KAZN: variants seen among roughly 807,000 people sequenced by gnomAD.
KAZN encodes the protein kazrin.
In KAZN, 40 loss-of-function variants were observed where a neutral mutation model predicts 87.4. The observed-to-expected ratio is 0.46, with a 90% confidence interval of 0.36 to 0.60. The LOEUF (loss-of-function observed/expected upper bound fraction) is 0.60, where lower values mean the gene tolerates loss of function less well. KAZN is among the 20% of genes least tolerant of loss of function. The pLI, the probability that KAZN is intolerant of heterozygous loss-of-function variation, is 0.00. For synonymous variants in KAZN, 466 were observed against 458.3 expected, an observed-to-expected ratio of 1.02 and a Z score of -0.22; for missense variants, 898 against 1,073.9, an observed-to-expected ratio of 0.84 and a Z score of 2.29.
At chr1:14,177,795 T>TGTGTGTGG (rs1491301219) in intron 1 of KAZN, among the ~76,000 whole-genome samples, 187 of 72,282 alleles carry the variant, frequency 2.6e-3, no homozygotes, top group African/African-American at 0.017. Flanking sequence ...TGTGTGTGTG[T>TGTGTGTGG]TTTTTTTTTT....
At chr1:14,409,692 C>T (rs1664148872) in intron 2 of KAZN, among the ~76,000 whole-genome samples, 1 of 152,120 alleles carries the variant, frequency 6.6e-6, no homozygotes, top group Non-Finnish European at 1.5e-5. Context: ...TGAAAATGAG[C>T]TTTCAATCTC....
At position 15,100,014 on chromosome 1, in the gene KAZN, C is replaced by T. The variant is rs559106710; in HGVS notation, c.1548-1529C>T. On this transcript the variant is annotated intron_variant, in intron 10 of 14. Transcript: ENST00000376030. Reference sequence around the variant, plus strand: ...AACAACTGAGCCATTAAGTATGACACGTCTGTGACAGCCAGGCAGCGTTAA... The same window carrying T: ...AACAACTGAGCCATTAAGTATGACATGTCTGTGACAGCCAGGCAGCGTTAA... 7.9e-5 allele frequency among the ~76,000 whole-genome samples: 12 copies of T among 152,190 alleles called. No homozygotes were observed. The South Asian group carries it at 2.3e-3, about 29-fold the overall frequency.
chr1:14,269,476 C>A (rs184848887), intron 2 of KAZN, among the ~76,000 whole-genome samples: 1 of 152,002 alleles, frequency 6.6e-6, no homozygotes, highest in Non-Finnish European at 1.5e-5. Flanking sequence ...AAATAAAAGG[C>A]GTCCACCAAC....
chr1:14,276,948 C>T (rs530499036), intron 2 of KAZN, among the ~76,000 whole-genome samples: 38 of 152,262 alleles, frequency 2.5e-4, no homozygotes, highest in African/African-American at 5.3e-4. Context: ...TTAGGACTTC[C>T]GCCTATACAT....
chr1:14,034,605 A>G (rs1448816514), intron 1 of KAZN, among the ~76,000 whole-genome samples: 2 of 152,236 alleles, frequency 1.3e-5, no homozygotes, highest in African/African-American at 4.8e-5. Context: ...TCTAGTGGCC[A>G]TTAATGTTCC....
At chr1:14,999,499 C>G (rs1044997408) in intron 2 of KAZN, among the ~76,000 whole-genome samples, 2 of 138,100 alleles carry the variant, frequency 1.4e-5, no homozygotes, top group Admixed American at 6.9e-5. Context: ...TGCCTGCCCC[C>G]CTCCCCCCGC....
At chr1:13,920,882 T>C (rs1640040144) in intron 1 of KAZN, among the ~76,000 whole-genome samples, 1 of 152,154 alleles carries the variant, frequency 6.6e-6, no homozygotes, top group South Asian at 2.1e-4. Context: ...TGGTTTTCAA[T>C]CAAGGGGAAC....
chr1:13,945,710 T>TGTGTGTGTGTGTGTGAGAGA (rs757118365), intron 1 of KAZN, among the ~76,000 whole-genome samples: 2 of 137,270 alleles, frequency 1.5e-5, no homozygotes, highest in South Asian at 2.3e-4. Context: ...TGTGTGTGTG[T>TGTGTGTGTGTGTGTGAGAGA]GAGAGAGAGA....
chr1:14,720,854 C>T (rs1018112175), intron 1 of KAZN, among the ~76,000 whole-genome samples: 11 of 152,128 alleles, frequency 7.2e-5, no homozygotes, highest in African/African-American at 2.7e-4. Flanking sequence ...GTACCTGGGA[C>T]TACTACCGCG....
chr1:14,247,870 G>T (rs971170474), intron 2 of KAZN, among the ~76,000 whole-genome samples: 14 of 152,030 alleles, frequency 9.2e-5, no homozygotes, highest in Admixed American at 9.2e-4. Flanking sequence ...ACGCTGGCAG[G>T]CCAAACATCT....
At chr1:14,919,264 C>T (rs1485700710) in intron 1 of KAZN, among the ~76,000 whole-genome samples, 1 of 152,196 alleles carries the variant, frequency 6.6e-6, no homozygotes, top group African/African-American at 2.4e-5. Flanking sequence ...GCAACCTCCG[C>T]CTCCCAGGTT....
intron 1 of KAZN, among the ~76,000 whole-genome samples, chr1:14,897,373 G>A (rs1655387552): frequency 6.6e-6 from 1 of 152,072 alleles, no homozygotes. Context: ...AAGGATTATG[G>A]GATTATCATG....
At chr1:14,514,175 A>T (rs1283680682) in intron 2 of KAZN, among the ~76,000 whole-genome samples, 2 of 144,574 alleles carry the variant, frequency 1.4e-5, no homozygotes, top group Non-Finnish European at 3.0e-5. Context: ...ATACAAAAAA[A>T]TTAGCCAGGT....
intron 2 of KAZN, among the ~76,000 whole-genome samples, chr1:14,397,033 G>C (rs1206236765): frequency 6.6e-6 from 1 of 151,966 alleles, no homozygotes; most frequent in African/African-American, 2.4e-5. Context: ...TTGAAAGTTT[G>C]TTTCTCCCAT....
chr1:14,436,976 G>GT (rs377498315), intron 2 of KAZN, among the ~76,000 whole-genome samples: 1 of 152,268 alleles, frequency 6.6e-6, no homozygotes, highest in Non-Finnish European at 1.5e-5. Flanking sequence ...TAAAAGTCCT[G>GT]TTTCCCTGCC....
At chr1:14,109,124 C>T (rs1354829364) in intron 1 of KAZN, among the ~76,000 whole-genome samples, 2 of 152,192 alleles carry the variant, frequency 1.3e-5, no homozygotes, top group Non-Finnish European at 2.9e-5. Context: ...CAGAGAGGTA[C>T]TGCCTGGGTA....
intron 2 of KAZN, among the ~76,000 whole-genome samples, chr1:14,988,691 C>T (rs947055822): frequency 4.6e-5 from 7 of 152,214 alleles, no homozygotes; most frequent in Admixed American, 1.3e-4. Flanking sequence ...CTGGGGCTGT[C>T]ACTCCACTGA....
At chr1:14,990,780 A>G (rs369484602) in intron 2 of KAZN, among the ~76,000 whole-genome samples, 1 of 151,688 alleles carries the variant, frequency 6.6e-6, no homozygotes, top group South Asian at 2.1e-4. Context: ...CACATGTTGA[A>G]GTCCTAACCC....
At chr1:14,793,767 C>T (rs139395020) in intron 1 of KAZN, among the ~76,000 whole-genome samples, 8 of 152,084 alleles carry the variant, frequency 5.3e-5, no homozygotes, top group Non-Finnish European at 1.2e-4. Flanking sequence ...GCTTTCCTTA[C>T]GCTCTGTGAC....
Sources: gnomAD v4.1 joint callset for allele counts (sites outside exome capture counted in the v4.1 genomes callset) on GRCh38, gnomAD v4.1.1 for gene constraint, MANE v1.5 for transcripts, NCBI Gene and HGNC (gene_info 2026-07-23, HGNC 2026-07-21) for gene names.